The following ATP6V0A2 variants were observed in gnomAD, a reference collection of about 807,000 sequenced individuals.
ATP6V0A2 encodes the protein V-type proton ATPase 116 kDa subunit a 2.
In ATP6V0A2, 58 loss-of-function variants were observed where a neutral mutation model predicts 104.4. The ratio of observed to expected loss-of-function variants is 0.56; its 90% CI spans 0.45 to 0.69. The LOEUF (loss-of-function observed/expected upper bound fraction) is 0.69, where lower values mean the gene tolerates loss of function less well. Ranked by LOEUF, ATP6V0A2 falls within the 30% of genes least tolerant of loss-of-function variation. ATP6V0A2 has a pLI of 0.00. For synonymous variants in ATP6V0A2, 376 were observed against 397.9 expected (o/e 0.95, Z 0.65); for missense variants, 938 against 1,062.9 (o/e 0.88, Z 1.63).
At chr12:123,754,131 TC>T (rs764238845) in intron 17 of ATP6V0A2, 4 of 552,510 alleles carry the variant, frequency 7.2e-6, no homozygotes, top group Non-Finnish European at 1.3e-5. Flanking sequence ...CCACGGCAGT[TC>T]CTCTGGTCTA....
chr12:123,720,597 G>C (rs1393044964), intron 2 of ATP6V0A2, among the ~76,000 whole-genome samples: 1 of 152,218 alleles, frequency 6.6e-6, no homozygotes, highest in Non-Finnish European at 1.5e-5. Flanking sequence ...AGGAGGCTGA[G>C]GTGGGAGAAT....
chr12:123,761,688 A>G lies in ATP6V0A2; in HGVS notation c.*3656A>G, dbSNP rs1453413850. On this transcript the variant is annotated 3_prime_UTR_variant, in exon 20 of 20. Coordinates refer to ENST00000330342, the MANE Select transcript of ATP6V0A2 (RefSeq NM_012463.4). ...GCTCCACAAATGCATGAAAGGACAAATTTGCATCTTCTATCAGTATTTAAC... is the reference window on the plus strand; with the variant it reads ...GCTCCACAAATGCATGAAAGGACAAGTTTGCATCTTCTATCAGTATTTAAC... 1 of 152,156 alleles carries G rather than the reference A, an allele frequency of 6.6e-6. No individual in the cohort carries two copies. Among genetic ancestry groups the G allele is most frequent in the Non-Finnish European group, 1.5e-5 (1 of 68,026 alleles). The allele number at this position is 152,156 out of a possible 1,614,324, so 9.4% of individuals were successfully genotyped here.
At chr12:123,750,730 CTTT>C in intron 15 of ATP6V0A2, 2 of 313,420 alleles carry the variant, frequency 6.4e-6, no homozygotes, top group South Asian at 5.9e-5. Context: ...CTCAGACGGT[CTTT>C]ATAATCATCA....
chr12:123,713,496 T>A (rs895387518), intron 1 of ATP6V0A2, among the ~76,000 whole-genome samples: 1 of 152,140 alleles, frequency 6.6e-6, no homozygotes, highest in Non-Finnish European at 1.5e-5. Flanking sequence ...TCCTTGGCAG[T>A]CATTGGCATC....
Position 123,737,127 on chromosome 12 carries a change from T to G in ATP6V0A2, c.894T>G (p.Arg298=). The change falls in exon 9 of 20, where the codon CGT becomes CGG. Residue 298 remains arginine, a synonymous_variant. Transcript: ENST00000330342. The part of the protein sequence containing the change: ...LCKAAESVYS[R]VIQVKKMKAI... ...AAGCCGCCGAGTCTGTCTACAGCCG[T>G]GTGATCCAGGTGAAGAAAATGAAGG... is the stretch of plus-strand genomic sequence containing the variant. The G allele has an allele frequency of 6.2e-7, 1 of 1,614,192 alleles. No individual in the cohort carries two copies.
intron 8 of ATP6V0A2, among the ~76,000 whole-genome samples, chr12:123,736,174 G>GGATTGTGA (rs1956551271): frequency 6.8e-6 from 1 of 146,202 alleles, no homozygotes; most frequent in Non-Finnish European, 1.5e-5. Flanking sequence ...TGCTCAGCCT[G>GGATTGTGA]GATTGTGATT....
chr12:123,745,970 G>T (rs1956658169), intron 13 of ATP6V0A2, among the ~76,000 whole-genome samples: 3 of 152,180 alleles, frequency 2.0e-5, no homozygotes, highest in South Asian at 2.1e-4. Context: ...CAAGGAGGAA[G>T]TATCTCTTAG....
At chr12:123,752,220 G>A (rs1956722154) in intron 16 of ATP6V0A2, 63 bp from the exon 17 acceptor site, 3 of 1,606,396 alleles carry the variant, frequency 1.9e-6, no homozygotes, top group Non-Finnish European at 2.6e-6. Context: ...AACTATACAA[G>A]TTTGGTTTTG....
chr12:123,745,448 T>C (rs1434964474), intron 13 of ATP6V0A2, among the ~76,000 whole-genome samples: 1 of 152,178 alleles, frequency 6.6e-6, no homozygotes, highest in Non-Finnish European at 1.5e-5. Flanking sequence ...TACTCACGCC[T>C]GTAATTCCAG....
At chr12:123,736,511 A>G (rs921939720) in intron 8 of ATP6V0A2, among the ~76,000 whole-genome samples, 33 of 152,192 alleles carry the variant, frequency 2.2e-4, no homozygotes, top group African/African-American at 8.0e-4. Flanking sequence ...ATTCTTGATC[A>G]CAAAAGACAA....
intron 1 of ATP6V0A2, among the ~76,000 whole-genome samples, chr12:123,716,404 A>T (rs924525571): frequency 6.6e-6 from 1 of 152,120 alleles, no homozygotes; most frequent in Non-Finnish European, 1.5e-5. Context: ...TGTACCTGAA[A>T]ATTTAAATAA....
Position 123,744,989 on chromosome 12 carries a change from C to T in ATP6V0A2, c.1605+17C>T. 1 of 1,611,294 alleles carries T rather than the reference C, an allele frequency of 6.2e-7. No individual in the cohort carries two copies. The highest frequency in any genetic ancestry group is 2.2e-5 in the East Asian group (1 of 44,862). On this transcript the variant is annotated intron_variant, in intron 13 of 19. Coordinates refer to ENST00000330342, the MANE Select transcript of ATP6V0A2 (RefSeq NM_012463.4). The surrounding 1 kb of genome is among the most constrained non-coding windows in gnomAD (Gnocchi z 5.4). ...ATTGATCCTGTGAGTGCACCACGCT[C>T]TGTCGTTGTCTCTGGATGCTCTGTG...
chr12:123,722,482 T>C (rs1166164096), intron 3 of ATP6V0A2, 34 bp downstream of exon 3: 1 of 1,273,876 alleles, frequency 7.9e-7, no homozygotes, highest in African/African-American at 1.5e-5. Context: ...GTTGCAGCCA[T>C]TGATCTTGGG....
At chr12:123,718,746 A>AT in intron 2 of ATP6V0A2, 45 bp downstream of exon 2, 1 of 1,375,010 alleles carries the variant, frequency 7.3e-7, no homozygotes, top group Middle Eastern at 1.8e-4. Context: ...TTACCTTTAT[A>AT]TAGGCAAACC....
Position 123,724,674 on chromosome 12 carries a change from G to C in ATP6V0A2, c.315G>C (p.Glu105Asp). 1 of 1,613,942 alleles carries C rather than the reference G, an allele frequency of 6.2e-7. No individual in the cohort carries two copies. The highest frequency in any genetic ancestry group is 8.5e-7 in the Non-Finnish European group (1 of 1,179,906). The change falls in exon 4 of 20, where the codon GAG becomes GAC. Residue 105 changes from glutamate to aspartate, a missense_variant. By Grantham distance (45) the Glu-to-Asp change is conservative. Coordinates refer to ENST00000330342, the MANE Select transcript of ATP6V0A2 (RefSeq NM_012463.4). ...TTTAGGAGCAGTTGCAGAAGCTCGA[G>C]GTTGAACTGAGAGAAGTCACTAAGA... ...LEMQEQLQKL[E>D]VELREVTKNK...
chr12:123,734,028 C>T lies in ATP6V0A2; in HGVS notation c.731+20C>T, dbSNP rs369279083. On this transcript the variant is annotated intron_variant, in intron 7 of 19. Coordinates refer to ENST00000330342, the MANE Select transcript of ATP6V0A2 (RefSeq NM_012463.4). Reference sequence around the variant, plus strand: ...TGATTGGTAAGAAAAAGAAACATTTCATTTCATTTATGTCTTTATATTCAG... The same window carrying T: ...TGATTGGTAAGAAAAAGAAACATTTTATTTCATTTATGTCTTTATATTCAG... 2.5e-6 allele frequency: 4 copies of T among 1,581,272 alleles called. No homozygotes were observed. In the African/African-American group the frequency reaches 5.4e-5, roughly 21 times the overall value.
chr12:123,736,265 C>G (rs1450903095), intron 8 of ATP6V0A2, among the ~76,000 whole-genome samples: 2 of 146,762 alleles, frequency 1.4e-5, no homozygotes, highest in Non-Finnish European at 3.0e-5. Context: ...CATCTCAGCT[C>G]ACTGCAATCT....
rs367873118 is a variant in ATP6V0A2, at chr12:123,737,226, C to T, written c.993C>T (p.Pro331=). Residue 331 remains proline (P), a synonymous_variant, in exon 9 of 20, where the codon CCC becomes CCT. Coordinates refer to ENST00000330342, the MANE Select transcript of ATP6V0A2 (RefSeq NM_012463.4). ...GCCTCATTGCTGAGGTCTGGTGTCCCGAGGCGGATCTGCAGGACCTGCGCC... is the reference window on the plus strand; with the variant it reads ...GCCTCATTGCTGAGGTCTGGTGTCCTGAGGCGGATCTGCAGGACCTGCGCC... ...NKCLIAEVWC[P]EADLQDLRRA... is the part of the protein sequence containing the mutation. 3.2e-5 allele frequency: 52 copies of T among 1,613,952 alleles called. No homozygotes were observed. Among genetic ancestry groups the T allele is most frequent in the South Asian group, 4.4e-5 (4 of 91,078 alleles).
chr12:123,722,985 A>G (rs914708455), intron 3 of ATP6V0A2, among the ~76,000 whole-genome samples: 1 of 152,134 alleles, frequency 6.6e-6, no homozygotes, highest in African/African-American at 2.4e-5. Flanking sequence ...CTGGGGATAC[A>G]TGTGTCCCCG....
Sources: allele counts gnomAD v4.1 joint callset (sites outside exome capture counted in the v4.1 genomes callset), GRCh38; gene constraint gnomAD v4.1.1; non-coding constraint Gnocchi (gnomAD v3.1); transcripts MANE v1.5; gene names NCBI Gene and HGNC (gene_info 2026-07-23, HGNC 2026-07-21).